RAP1GAP2: variants seen among roughly 807,000 people sequenced by gnomAD.
RAP1GAP2 encodes rap1 GTPase-activating protein 2.
A neutral mutation model predicts 95.0 loss-of-function variants in RAP1GAP2; 27 were observed. The observed-to-expected ratio is 0.28, with a 90% CI of 0.21 to 0.39. The LOEUF is 0.39. Among genes scored for constraint, RAP1GAP2 ranks in the 10% least tolerant of loss-of-function variants. The probability of loss-of-function intolerance (pLI) is 1.00; values close to 1 mark genes in which losing one functional copy is unlikely to be tolerated. For synonymous variants in RAP1GAP2, 373 were observed against 380.9 expected, an observed-to-expected ratio of 0.98 and a Z score of 0.24; for missense variants, 771 against 970.0, an observed-to-expected ratio of 0.79 and a Z score of 2.72.
intron 1 of RAP1GAP2, among the ~76,000 whole-genome samples, chr17:2,761,806 T>C (rs1170721124): frequency 6.6e-6 from 1 of 152,086 alleles, no homozygotes; most frequent in African/African-American, 2.4e-5. Flanking sequence ...ACCAGCTGTG[T>C]ACGAAGGTTC....
chr17:2,915,938 TC>T (rs1197875538), intron 3 of RAP1GAP2, among the ~76,000 whole-genome samples: 2 of 151,980 alleles, frequency 1.3e-5, no homozygotes. Context: ...GATCTCGTGA[TC>T]CGCCCGCCTC....
At chr17:2,908,591 T>C (rs965525441) in intron 3 of RAP1GAP2, among the ~76,000 whole-genome samples, 2 of 151,396 alleles carry the variant, frequency 1.3e-5, no homozygotes, top group African/African-American at 4.9e-5. Flanking sequence ...GATATGAGAT[T>C]TGGGGAGAAG....
intron 1 of RAP1GAP2, chr17:2,800,165 C>A (rs1436518098): frequency 1.0e-6 from 1 of 985,174 alleles, no homozygotes; most frequent in Non-Finnish European, 1.2e-6. Flanking sequence ...GCGAGGGTAG[C>A]CGTAATAAAG....
chr17:2,955,932 A>G (rs1052181853), intron 3 of RAP1GAP2, among the ~76,000 whole-genome samples: 1 of 152,176 alleles, frequency 6.6e-6, no homozygotes, highest in African/African-American at 2.4e-5. Context: ...TGCAGTGAAC[A>G]TTTGAGCCTG....
At chr17:2,962,507 T>C (rs1003256823) in intron 4 of RAP1GAP2, 163 bp from the exon 5 acceptor site, 14 of 678,830 alleles carry the variant, frequency 2.1e-5, no homozygotes, top group Admixed American at 3.5e-5. Flanking sequence ...CTGAGGCTGC[T>C]GTGAGGCCCG....
intron 8 of RAP1GAP2, among the ~76,000 whole-genome samples, chr17:2,975,749 T>C (rs1050641116): frequency 6.6e-6 from 1 of 152,266 alleles, no homozygotes; most frequent in Non-Finnish European, 1.5e-5. Flanking sequence ...GGCTTGCCCC[T>C]GGCCCGCACT....
At chr17:2,880,652 C>G (rs2073251130) in intron 2 of RAP1GAP2, among the ~76,000 whole-genome samples, 1 of 152,036 alleles carries the variant, frequency 6.6e-6, no homozygotes. Context: ...CTCCCCCATC[C>G]CGAAGCAACT....
Position 2,827,936 on chromosome 17 carries a change from T to C in RAP1GAP2, c.80+27386T>C, listed in dbSNP as rs925150262. ...AGAGGCTCTCAGGCTGGAGGCCAGCTACTGCTCCGGCCAGCCCTTCCCTGT... is the reference window on the plus strand; with the variant it reads ...AGAGGCTCTCAGGCTGGAGGCCAGCCACTGCTCCGGCCAGCCCTTCCCTGT... On this transcript the variant is annotated intron_variant, in intron 2 of 24. Transcript: ENST00000254695. The surrounding 1 kb of genome is among the most constrained non-coding windows in gnomAD (Gnocchi z 4.1). Among the ~76,000 whole-genome samples the C allele has an allele frequency of 6.6e-6, 1 of 152,214 alleles. No homozygotes were observed. Among genetic ancestry groups the C allele is most frequent in the African/African-American group, 2.4e-5 (1 of 41,460 alleles).
chr17:2,898,389 T>C (rs934485595), intron 2 of RAP1GAP2, among the ~76,000 whole-genome samples: 6 of 152,172 alleles, frequency 3.9e-5, no homozygotes, highest in African/African-American at 1.4e-4. Context: ...TGGAGCCTTT[T>C]GTTCCTGAAT....
intron 2 of RAP1GAP2, among the ~76,000 whole-genome samples, chr17:2,841,460 C>A (rs1399923368): frequency 6.6e-6 from 1 of 151,756 alleles, no homozygotes. Context: ...CCCGCCACCA[C>A]ACGCGGCTAA....
At position 2,856,949 on chromosome 17, in the gene RAP1GAP2, C is replaced by G. The variant is rs188441613; in HGVS notation, c.81-48335C>G. Among the ~76,000 whole-genome samples, 125 of 152,320 alleles carry G rather than the reference C, an allele frequency of 8.2e-4. 1 individual carries two copies. In the South Asian group the frequency reaches 8.3e-3, roughly 10 times the overall value. On this transcript the variant is annotated intron_variant, in intron 2 of 24. Coordinates refer to ENST00000254695, the MANE Select transcript of RAP1GAP2 (RefSeq NM_015085.5). ...CTCTGTATCTGGAGTTTCTTTGTCT[C>G]TTTAAGCGTCTGAAATGAGTGCAGC... is the stretch of plus-strand genomic sequence containing the variant.
At chr17:2,970,909 C>G (rs1050563485) in intron 8 of RAP1GAP2, among the ~76,000 whole-genome samples, 2 of 152,116 alleles carry the variant, frequency 1.3e-5, no homozygotes, top group Non-Finnish European at 2.9e-5. Flanking sequence ...GTGGCACACA[C>G]CTGTGGTCCC....
rs2070654033 is a variant in RAP1GAP2 at position 2,827,993 on chromosome 17, G to C, written c.80+27443G>C. On this transcript the variant is annotated intron_variant, in intron 2 of 24. Transcript: ENST00000254695. This position sits in a 1 kb window ranked among gnomAD's most constrained non-coding sequence, Gnocchi z 4.1. ...GCCACAAGAGGCCGTCCCTGGGCCTGCAAGCATGAGATGAGCCGAGCACTT... is the reference window on the plus strand; with the variant it reads ...GCCACAAGAGGCCGTCCCTGGGCCTCCAAGCATGAGATGAGCCGAGCACTT... Among the ~76,000 whole-genome samples the C allele has an allele frequency of 6.6e-6, 1 of 152,152 alleles. No homozygotes were observed. Among genetic ancestry groups the C allele is most frequent in the African/African-American group, 2.4e-5 (1 of 41,438 alleles).
chr17:2,982,662 T>G (rs1284012849), intron 10 of RAP1GAP2, among the ~76,000 whole-genome samples: 1 of 152,092 alleles, frequency 6.6e-6, no homozygotes, highest in Non-Finnish European at 1.5e-5. Flanking sequence ...TAATTACAAC[T>G]GAATGAGTGG....
chr17:2,948,538 C>G (rs938380272), intron 3 of RAP1GAP2, among the ~76,000 whole-genome samples: 22 of 147,220 alleles, frequency 1.5e-4, no homozygotes, highest in Admixed American at 8.9e-4. Flanking sequence ...AGGGAGGGCA[C>G]AGGGTGGTGA....
intron 17 of RAP1GAP2, among the ~76,000 whole-genome samples, chr17:3,015,431 C>T (rs1242629982): frequency 6.6e-6 from 1 of 152,124 alleles, no homozygotes; most frequent in East Asian, 1.9e-4. Context: ...GAAATCCTGA[C>T]GTCCAGAGAG....
rs2072804947 is a variant in RAP1GAP2, at chr17:2,870,614, G to A, written c.81-34670G>A. Among the ~76,000 whole-genome samples, 2 of 151,904 alleles carry A rather than the reference G, an allele frequency of 1.3e-5. No individual in the cohort carries two copies. The highest frequency in any genetic ancestry group is 2.1e-4 in the South Asian group (1 of 4,826). The stretch of plus-strand genomic sequence containing the variant: ...TCTATGCAAAAGCACACCCTTTCAC[G>A]TAATATACTTACATCTGCATCTACG... On this transcript the variant is annotated intron_variant, in intron 2 of 24. Transcript: ENST00000254695. The surrounding 1 kb of genome is among the most constrained non-coding windows in gnomAD (Gnocchi z 4.4).
At chr17:3,020,994 A>G (rs1190246131) in intron 19 of RAP1GAP2, among the ~76,000 whole-genome samples, 1 of 152,156 alleles carries the variant, frequency 6.6e-6, no homozygotes, top group African/African-American at 2.4e-5. Context: ...TTTTTAAGCA[A>G]CTCATATATT....
At chr17:2,820,480 G>T (rs531005527) in intron 2 of RAP1GAP2, among the ~76,000 whole-genome samples, 1 of 152,142 alleles carries the variant, frequency 6.6e-6, no homozygotes, top group African/African-American at 2.4e-5. Context: ...AATTAGCCAG[G>T]TGTGGTGGCG....
Sources: allele counts gnomAD v4.1 joint callset (sites outside exome capture counted in the v4.1 genomes callset), GRCh38; gene constraint gnomAD v4.1.1; non-coding constraint Gnocchi (gnomAD v3.1); transcripts MANE v1.5; gene names NCBI Gene and HGNC (gene_info 2026-07-23, HGNC 2026-07-21).